PFKFB3: variants seen among roughly 807,000 people sequenced by gnomAD.
The protein encoded by PFKFB3 is 6-phosphofructo-2-kinase/fructose-2,6-biphosphatase 3.
In PFKFB3, 33 loss-of-function variants were observed where a neutral mutation model predicts 68.0. The observed-to-expected ratio is 0.49, with a 90% CI of 0.37 to 0.65. The LOEUF (loss-of-function observed/expected upper bound fraction) is 0.65, where lower values mean the gene tolerates loss of function less well. Ranked by LOEUF, PFKFB3 falls within the 30% of genes least tolerant of loss-of-function variation. The probability of loss-of-function intolerance (pLI) is 0.00; values close to 1 mark genes in which losing one functional copy is unlikely to be tolerated. For synonymous variants in PFKFB3, 315 were observed against 288.2 expected (o/e 1.09, Z -0.94); for missense variants, 586 against 712.2 (o/e 0.82, Z 2.02).
chr10:6,278,281 T>G, the PFKFB3 span, among the ~76,000 whole-genome samples: 1 of 151,638 alleles, frequency 6.6e-6, no homozygotes, highest in Non-Finnish European at 1.5e-5. Context: ...GATTTTTTTT[T>G]GTTGTTGTTG....
At chr10:6,300,969 G>C in the PFKFB3 span, among the ~76,000 whole-genome samples, 1 of 152,354 alleles carries the variant, frequency 6.6e-6, no homozygotes, top group East Asian at 1.9e-4. Context: ...GCAACATCCA[G>C]CAAGGTGGGA....
At position 6,226,065 on chromosome 10, in the gene PFKFB3, G is replaced by T. The variant is rs539573280; in HGVS notation, c.1342-127G>T. ...CCCATGGTCCCTGGCCCGTGGTCCC[G>T]GCCACTCCCCTCGGTCAGTCTTTTT... On this transcript the variant is annotated intron_variant, in intron 13 of 14. Transcript: ENST00000379775. The T allele has an allele frequency of 5.2e-5, 43 of 822,676 alleles. No homozygotes were observed. In the African/African-American group the frequency reaches 6.3e-4, roughly 12 times the overall value. The allele number at this position is 822,676 out of a possible 1,614,324, so 51.0% of individuals were successfully genotyped here. A position where few individuals can be genotyped will look rare whatever the true frequency, so the allele number is the denominator to read the frequency against.
chr10:6,222,893 C>A lies in PFKFB3; in HGVS notation c.1122C>A (p.Ile374=), dbSNP rs369277668. ...QDLVQRLEPV[I]MELERQENVL... The stretch of plus-strand genomic sequence containing the variant: ...TGGTCCAGCGCTTGGAGCCAGTGAT[C>A]ATGGAGCTGGAGCGGCAGGAGAATG... Residue 374 remains isoleucine, a synonymous_variant, in exon 11 of 15, where the codon ATC becomes ATA. Transcript: ENST00000379775. The A allele has an allele frequency of 8.1e-6, 13 of 1,613,894 alleles. No homozygotes were observed. In the South Asian group the frequency reaches 1.3e-4, roughly 16 times the overall value.
rs568565026 is a variant in PFKFB3 at position 6,218,875 on chromosome 10, G to A, written c.499-694G>A. 3.3e-5 allele frequency among the ~76,000 whole-genome samples: 5 copies of A among 152,310 alleles called. No homozygotes were observed. The South Asian group carries it at 6.2e-4, about 19-fold the overall frequency. ...CACAGGCACAGCTCCCGACTGACTC[G>A]ATCTTTGAAGAGTGGCTGCCTCTCA... On this transcript the variant is annotated intron_variant, in intron 6 of 14. Coordinates refer to ENST00000379775, the MANE Select transcript of PFKFB3 (RefSeq NM_004566.4).
downstream of PFKFB3, among the ~76,000 whole-genome samples, chr10:6,237,947 T>C (rs1434290796): frequency 7.0e-6 from 1 of 142,392 alleles, no homozygotes; most frequent in Non-Finnish European, 1.6e-5. Flanking sequence ...GTTCTCGGTG[T>C]GTGAGCCGGT....
intron 1 of PFKFB3, among the ~76,000 whole-genome samples, chr10:6,188,231 T>C (rs1842927440): frequency 1.3e-5 from 2 of 151,950 alleles, no homozygotes; most frequent in Non-Finnish European, 1.5e-5. Context: ...AGTATCATGA[T>C]TGAAATCAGG....
In PFKFB3 at chr10:6,228,205, G is replaced by C; in HGVS notation, c.1515+1840G>C. ...TGCTTCTCCTCCGCAGCCTTTGCTAGGGCAAGCCTGTCTGTAAGTATCTCT... is the reference window on the plus strand; with the variant it reads ...TGCTTCTCCTCCGCAGCCTTTGCTACGGCAAGCCTGTCTGTAAGTATCTCT... On this transcript the variant is annotated intron_variant, in intron 14 of 14. Transcript: ENST00000379775. The surrounding 1 kb of genome is among the most constrained non-coding windows in gnomAD (Gnocchi z 4.5). 6.2e-7 allele frequency: 1 copy of C among 1,612,794 alleles called. No individual in the cohort carries two copies. Among genetic ancestry groups the C allele is most frequent in the Non-Finnish European group, 8.5e-7 (1 of 1,179,872 alleles).
At chr10:6,189,320 C>T (rs1450645007) in intron 1 of PFKFB3, among the ~76,000 whole-genome samples, 2 of 152,060 alleles carry the variant, frequency 1.3e-5, no homozygotes, top group African/African-American at 2.4e-5. Context: ...TTAGAATATC[C>T]CTAATTTTTT....
chr10:6,307,369 T>C, the PFKFB3 span, among the ~76,000 whole-genome samples: 4 of 133,018 alleles, frequency 3.0e-5, no homozygotes, highest in Non-Finnish European at 5.1e-5. Flanking sequence ...ACACACACAC[T>C]CACCCTACTG....
chr10:6,181,796 T>TAAAA (rs60557537), intron 1 of PFKFB3, among the ~76,000 whole-genome samples: 1 of 114,168 alleles, frequency 8.8e-6, no homozygotes, highest in East Asian at 2.6e-4. Flanking sequence ...AGACTCCGTT[T>TAAAA]AAAAAAAAAA....
the PFKFB3 span, among the ~76,000 whole-genome samples, chr10:6,284,140 A>G: frequency 6.6e-6 from 1 of 152,186 alleles, no homozygotes; most frequent in African/African-American, 2.4e-5. Flanking sequence ...TGTGAGCTTG[A>G]GAAGATTGTG....
upstream of PFKFB3, among the ~76,000 whole-genome samples, chr10:6,201,462 G>C (rs1407363203): frequency 6.8e-6 from 1 of 146,240 alleles, no homozygotes; most frequent in Non-Finnish European, 1.5e-5. The surrounding 1 kb of genome is among the most constrained non-coding windows in gnomAD (Gnocchi z 4.1). Context: ...AGGGGGAGTG[G>C]GGGTCGAGGC....
chr10:6,255,176 G>A (rs182908071), downstream of PFKFB3, among the ~76,000 whole-genome samples: 2 of 150,520 alleles, frequency 1.3e-5, no homozygotes, highest in African/African-American at 2.4e-5. Flanking sequence ...CCAGGCTGGA[G>A]TGCAGTGGCC....
intron 1 of PFKFB3, among the ~76,000 whole-genome samples, chr10:6,191,098 A>G (rs1843011038): frequency 6.6e-6 from 1 of 152,180 alleles, no homozygotes; most frequent in African/African-American, 2.4e-5. Flanking sequence ...CTGTCTTTCA[A>G]CAGTGATCAA....
At chr10:6,259,879 T>C in the PFKFB3 span, among the ~76,000 whole-genome samples, 2 of 152,198 alleles carry the variant, frequency 1.3e-5, no homozygotes, top group Non-Finnish European at 2.9e-5. Context: ...TAGTGGAACA[T>C]CAGATAGTAA....
the PFKFB3 span, among the ~76,000 whole-genome samples, chr10:6,290,527 C>T: frequency 2.2e-5 from 3 of 133,408 alleles, no homozygotes; most frequent in African/African-American, 2.8e-5. Context: ...GAGACAGAGT[C>T]TTGCTCTATT....
At chr10:6,279,907 G>A in the PFKFB3 span, among the ~76,000 whole-genome samples, 2 of 151,438 alleles carry the variant, frequency 1.3e-5, no homozygotes, top group Non-Finnish European at 2.9e-5. Flanking sequence ...TGCATGCTGT[G>A]TGTGTAGGAA....
At chr10:6,174,140 T>A (rs747267516) in intron 1 of PFKFB3, among the ~76,000 whole-genome samples, 1 of 143,686 alleles carries the variant, frequency 7.0e-6, no homozygotes, top group East Asian at 1.9e-4. Flanking sequence ...AAAGCCTGTA[T>A]TTTTTCTGCT....
chr10:6,269,096 G>C, the PFKFB3 span, among the ~76,000 whole-genome samples: 64 of 149,896 alleles, frequency 4.3e-4, no homozygotes, highest in African/African-American at 1.5e-3. Context: ...CTAGTATGTA[G>C]AAATGACAAT....
Sources: gnomAD v4.1 joint callset for allele counts (sites outside exome capture counted in the v4.1 genomes callset) on GRCh38, gnomAD v4.1.1 for gene constraint, Gnocchi (gnomAD v3.1) non-coding constraint, MANE v1.5 for transcripts, NCBI Gene and HGNC (gene_info 2026-07-23, HGNC 2026-07-21) for gene names.